FOCAD: variants seen among roughly 807,000 people sequenced by gnomAD.
FOCAD encodes the protein KIAA1797.
FOCAD carries 198 observed loss-of-function variants against 225.6 expected under a neutral mutation model. That is an observed-to-expected ratio of 0.88 (90% CI 0.78 to 0.99). The LOEUF (loss-of-function observed/expected upper bound fraction) is 0.99. Among genes scored for constraint, FOCAD ranks in the 50% least tolerant of loss-of-function variants. FOCAD has a pLI of 0.00. For missense variants in FOCAD, 2,713 were observed against 2,123.6 expected, an observed-to-expected ratio of 1.28 and a Z score of -5.46; for synonymous variants, 897 against 755.0, an observed-to-expected ratio of 1.19 and a Z score of -3.08.
In FOCAD at chr9:20,925,221, A is replaced by G. The variant is rs150626274; in HGVS notation, c.2962-1080A>G. ...AATGTTTCATGTCTTTCAGAGAGCC[A>G]TGGAATATTTTAGCAGAGGCAACAT... On this transcript the variant is annotated intron_variant, in intron 25 of 43. Transcript: ENST00000338382. Among the ~76,000 whole-genome samples, 15 of 152,328 alleles carry G rather than the reference A, an allele frequency of 9.8e-5. No individual in the cohort carries two copies. In the East Asian group the frequency reaches 2.7e-3, roughly 27 times the overall value.
chr9:20,802,866 C>G (rs1163864113), intron 11 of FOCAD, among the ~76,000 whole-genome samples: 1 of 152,050 alleles, frequency 6.6e-6, no homozygotes, highest in Non-Finnish European at 1.5e-5. Flanking sequence ...TTCAAATGGT[C>G]GAATTATCTG....
At chr9:20,950,291 T>C (rs975143269) in intron 33 of FOCAD, among the ~76,000 whole-genome samples, 17 of 152,308 alleles carry the variant, frequency 1.1e-4, no homozygotes, top group South Asian at 4.1e-4. Flanking sequence ...GCATAGTTGG[T>C]ATTCTTAGTG....
intron 28 of FOCAD, among the ~76,000 whole-genome samples, chr9:20,942,421 C>G (rs2132304508): frequency 6.6e-6 from 1 of 152,254 alleles, no homozygotes; most frequent in East Asian, 1.9e-4. Flanking sequence ...TTGGAATGAG[C>G]TTTGAGAGGA....
intron 39 of FOCAD, among the ~76,000 whole-genome samples, chr9:20,982,936 C>T (rs1305430173): frequency 6.6e-6 from 1 of 152,214 alleles, no homozygotes; most frequent in South Asian, 2.1e-4. Context: ...AAATGACACA[C>T]TTGTATTTGA....
intron 15 of FOCAD, among the ~76,000 whole-genome samples, chr9:20,855,200 T>A (rs139982544): frequency 0.011 from 1,696 of 151,764 alleles, 48 homozygotes; most frequent in East Asian, 0.067. Context: ...AACTTTCCCA[T>A]GTATAAGAAA....
intron 21 of FOCAD, among the ~76,000 whole-genome samples, chr9:20,897,923 T>G (rs1832234214): frequency 6.6e-6 from 1 of 151,854 alleles, no homozygotes; most frequent in Admixed American, 6.6e-5. Context: ...GCAAGGGAAA[T>G]GTACGGGTAA....
At chr9:20,714,634 G>GCCTGCCTGCCTGCCTGCCTTCCTT (rs1270720981) in intron 1 of FOCAD, among the ~76,000 whole-genome samples, 42 of 120,092 alleles carry the variant, frequency 3.5e-4, no homozygotes, top group African/African-American at 4.7e-4. Context: ...CTGCCTGCCT[G>GCCTGCCTGCCTGCCTGCCTTCCTT]CCTTCCTTCC....
At chr9:20,813,289 T>C (rs1226270546) in intron 11 of FOCAD, among the ~76,000 whole-genome samples, 1 of 152,156 alleles carries the variant, frequency 6.6e-6, no homozygotes, top group Non-Finnish European at 1.5e-5. Context: ...TGTTTCCATC[T>C]CTTGAGTATT....
chr9:20,982,396 C>G lies in FOCAD; in HGVS notation c.4678C>G (p.Leu1560Val). 6.2e-7 allele frequency: 1 copy of G among 1,613,870 alleles called. No individual in the cohort carries two copies. Among genetic ancestry groups the G allele is most frequent in the Non-Finnish European group, 8.5e-7 (1 of 1,179,850 alleles). The change falls in exon 39 of 44, where the codon CTC becomes GTC. Residue 1560 changes from leucine to valine, a missense_variant. Transcript: ENST00000338382. ...GCTGTATATCAGCATAGCAAAATGC[C>G]TCTTAGAAATGACAGATGATGATGC... The part of the protein sequence containing the change: ...LELYISIAKC[L>V]LEMTDDDANR...
chr9:20,874,597 C>A (rs1354235302), intron 18 of FOCAD, 84 bp from the exon 19 acceptor site: 3 of 1,463,610 alleles, frequency 2.0e-6, no homozygotes, highest in Admixed American at 2.2e-5. Context: ...ATTTTAAAAT[C>A]TTGTCACAAA....
chr9:20,744,122 A>G (rs1212228402), intron 5 of FOCAD, among the ~76,000 whole-genome samples: 3 of 152,146 alleles, frequency 2.0e-5, no homozygotes, highest in East Asian at 3.9e-4. Context: ...CATGGCCCCA[A>G]CACATGTTAG....
intron 4 of FOCAD, among the ~76,000 whole-genome samples, chr9:20,732,951 G>C (rs1007342832): frequency 6.6e-6 from 1 of 152,128 alleles, no homozygotes; most frequent in African/African-American, 2.4e-5. Context: ...TGGATGTGTT[G>C]AATATGAGGC....
chr9:20,989,067 C>G, intron 41 of FOCAD, among the ~76,000 whole-genome samples: 1 of 152,156 alleles, frequency 6.6e-6, no homozygotes, highest in Middle Eastern at 3.2e-3. Flanking sequence ...TTCCTGCTTT[C>G]CTTCATTGTG....
rs1025764881 is a variant in FOCAD, at chr9:20,990,385, C to T, written c.5256+11C>T. 2 of 1,611,942 alleles carry T rather than the reference C, an allele frequency of 1.2e-6. No homozygotes were observed. The highest frequency in any genetic ancestry group is 1.7e-6 in the Non-Finnish European group (2 of 1,179,310). On this transcript the variant is annotated intron_variant, in intron 42 of 43. Transcript: ENST00000338382. ...GAACAGACCCAGAAGGTGAGGCTGG[C>T]AGCCACCTGCTTAGCAGGGCAGGCA... is the stretch of plus-strand genomic sequence containing the variant.
chr9:20,986,347 C>T lies in FOCAD; in HGVS notation c.4788C>T (p.Pro1596=), dbSNP rs778713010. 5.9e-6 allele frequency: 9 copies of T among 1,529,798 alleles called. No individual in the cohort carries two copies. Among genetic ancestry groups the T allele is most frequent in the Non-Finnish European group, 6.2e-6 (7 of 1,135,778 alleles). 94.8% of individuals were successfully genotyped at this position (1,529,798 alleles called of 1,614,324 possible). The change falls in exon 40 of 44, where the codon CCC becomes CCT. Residue 1596 remains proline, a synonymous_variant. Coordinates refer to ENST00000338382, the MANE Select transcript of FOCAD (RefSeq NM_001375567.1). The stretch of plus-strand genomic sequence containing the variant: ...ACTTAGTCTCTCAAGGACGATTCCC[C>T]TTGGTGAACCTGACCGATATGCTGA... ...KLYLVSQGRF[P]LVNLTDMLSV... is the part of the protein sequence containing the mutation.
intron 4 of FOCAD, among the ~76,000 whole-genome samples, chr9:20,729,813 T>A (rs1222720686): frequency 6.6e-6 from 1 of 152,126 alleles, no homozygotes; most frequent in East Asian, 1.9e-4. Context: ...TAATACTAGA[T>A]CTATGTTGCT....
At chr9:20,964,694 C>A (rs1337217689) in intron 35 of FOCAD, among the ~76,000 whole-genome samples, 2 of 152,180 alleles carry the variant, frequency 1.3e-5, no homozygotes, top group South Asian at 4.1e-4. Context: ...TGCCACCACG[C>A]CCAGCTAATT....
intron 35 of FOCAD, among the ~76,000 whole-genome samples, chr9:20,953,613 T>C (rs1421211708): frequency 6.6e-6 from 1 of 152,226 alleles, no homozygotes; most frequent in Non-Finnish European, 1.5e-5. Context: ...ATTGAGTGCC[T>C]TTTGTTTTTA....
intron 22 of FOCAD, among the ~76,000 whole-genome samples, chr9:20,911,156 C>T (rs1185521408): frequency 1.3e-5 from 2 of 151,798 alleles, no homozygotes; most frequent in African/African-American, 4.8e-5. Context: ...CCTGGGAGGC[C>T]AATATTAATA....
Sources: gnomAD v4.1 joint callset for allele counts (sites outside exome capture counted in the v4.1 genomes callset) on GRCh38, gnomAD v4.1.1 for gene constraint, MANE v1.5 for transcripts, NCBI Gene and HGNC (gene_info 2026-07-23, HGNC 2026-07-21) for gene names.